NBAS: variants seen among roughly 807,000 people sequenced by gnomAD.
The protein encoded by NBAS is NAG/BC035112 fusion.
In NBAS, 219 loss-of-function variants were observed where a neutral mutation model predicts 302.5. The observed-to-expected ratio is 0.72, with a 90% CI of 0.65 to 0.81. The LOEUF is 0.81. Ranked by LOEUF, NBAS falls within the 30% of genes least tolerant of loss-of-function variation. The pLI is 0.00. For missense variants in NBAS, 2,932 were observed against 2,841.6 expected, an observed-to-expected ratio of 1.03 and a Z score of -0.72; for synonymous variants, 1,118 against 1,021.6, an observed-to-expected ratio of 1.09 and a Z score of -1.80.
chr2:14,822,942 C>G, the NBAS span, among the ~76,000 whole-genome samples: 5 of 152,178 alleles, frequency 3.3e-5, no homozygotes, highest in African/African-American at 1.2e-4. Context: ...GAAGCTTCTT[C>G]TAGAGAGAGC....
At chr2:15,332,514 C>T (rs1443632594) in intron 35 of NBAS, among the ~76,000 whole-genome samples, 3 of 151,616 alleles carry the variant, frequency 2.0e-5, no homozygotes, top group Admixed American at 6.6e-5. Context: ...GTTGCCCATA[C>T]GTATTCTAAA....
At chr2:14,847,359 G>A in the NBAS span, among the ~76,000 whole-genome samples, 14 of 122,102 alleles carry the variant, frequency 1.1e-4, no homozygotes, top group Non-Finnish European at 2.1e-4. Flanking sequence ...CTCCAGCCTC[G>A]TCAACAGAGC....
intron 12 of NBAS, among the ~76,000 whole-genome samples, chr2:15,484,312 C>A (rs1680540810): frequency 1.3e-5 from 2 of 152,110 alleles, no homozygotes; most frequent in South Asian, 4.1e-4. Flanking sequence ...AATGTAAGTA[C>A]TGTAAGTAGA....
the NBAS span, among the ~76,000 whole-genome samples, chr2:14,931,242 C>T: frequency 6.6e-6 from 1 of 152,336 alleles, no homozygotes; most frequent in East Asian, 1.9e-4. Context: ...GGAATGAACA[C>T]ATGCTAGCTA....
At chr2:15,535,156 C>T (rs1422870610) in intron 8 of NBAS, among the ~76,000 whole-genome samples, 1 of 152,198 alleles carries the variant, frequency 6.6e-6, no homozygotes, top group Non-Finnish European at 1.5e-5. Flanking sequence ...CATTCCTAGG[C>T]ATCCCTGGGG....
At chr2:15,174,535 G>A (rs1482360040) in intron 51 of NBAS, among the ~76,000 whole-genome samples, 1 of 152,192 alleles carries the variant, frequency 6.6e-6, no homozygotes, top group Non-Finnish European at 1.5e-5. Flanking sequence ...CTGGAGCCTG[G>A]GAGAGTAAGT....
intron 23 of NBAS, among the ~76,000 whole-genome samples, chr2:15,421,678 G>A (rs918618803): frequency 6.7e-6 from 1 of 149,936 alleles, no homozygotes. Flanking sequence ...AAGAATACAA[G>A]CCAACTGAAG....
chr2:15,187,823 G>A (rs1279967398), intron 49 of NBAS, among the ~76,000 whole-genome samples: 1 of 152,208 alleles, frequency 6.6e-6, no homozygotes, highest in Admixed American at 6.5e-5. Flanking sequence ...CTTGGGCCCT[G>A]AAAAGAATTT....
At chr2:15,154,057 C>G in the NBAS span, among the ~76,000 whole-genome samples, 21 of 152,176 alleles carry the variant, frequency 1.4e-4, 1 homozygote, top group Non-Finnish European at 2.6e-4. Flanking sequence ...CCAGCTCTGG[C>G]ATGTAGGGCA....
intron 9 of NBAS, among the ~76,000 whole-genome samples, chr2:15,521,365 T>C (rs922771174): frequency 1.3e-5 from 2 of 152,156 alleles, no homozygotes; most frequent in African/African-American, 4.8e-5. Flanking sequence ...AAAAACCTGT[T>C]TTAGACATTC....
the NBAS span, among the ~76,000 whole-genome samples, chr2:14,834,037 C>A: frequency 6.6e-6 from 1 of 152,136 alleles, no homozygotes; most frequent in South Asian, 2.1e-4. Context: ...AGTCACCAAA[C>A]ATATAAGTTA....
At chr2:15,163,086 C>CTCCA (rs1292837229), downstream of NBAS, among the ~76,000 whole-genome samples, 1 of 152,212 alleles carries the variant, frequency 6.6e-6, no homozygotes, top group Admixed American at 6.5e-5. Flanking sequence ...GGAAAACGAC[C>CTCCA]TCCACTCCAG....
the NBAS span, among the ~76,000 whole-genome samples, chr2:15,002,812 C>T: frequency 9.7e-4 from 148 of 152,328 alleles, no homozygotes; most frequent in Non-Finnish European, 1.6e-3. Flanking sequence ...GCCGGCAGGG[C>T]GGGTCAGCTG....
At chr2:14,900,692 A>G in the NBAS span, among the ~76,000 whole-genome samples, 193 of 152,322 alleles carry the variant, frequency 1.3e-3, no homozygotes, top group African/African-American at 4.4e-3. Context: ...ACAGATCTGA[A>G]TAAGGTGAAG....
rs772678800 is a variant in NBAS, at chr2:15,561,253, C to T, written c.52G>A (p.Glu18Lys). The T allele has an allele frequency of 1.9e-6, 3 of 1,613,994 alleles. No homozygotes were observed. The highest frequency in any genetic ancestry group is 1.7e-4 in the Middle Eastern group (1 of 6,048). ...PALSPGTAEG[E>K]EETILYDLLV... ...AAGTCATAGAGAATCGTCTCCTCCT[C>T]ACCCTCTGCAGTGCCTGGACTCAAA... Residue 18 changes from glutamate to lysine, a missense_variant, in exon 1 of 52, where the codon GAG becomes AAG. Transcript: ENST00000281513.
At chr2:15,539,113 T>TATAATATATATAATAAAATATATAAA in intron 7 of NBAS, 110 bp downstream of exon 7, 1 of 1,434,646 alleles carries the variant, frequency 7.0e-7, no homozygotes, top group Non-Finnish European at 9.7e-7. Flanking sequence ...CCACAGCTTA[T>TATAATATATATAATAAAATATATAAA]TATTCTGATT....
the NBAS span, among the ~76,000 whole-genome samples, chr2:15,115,309 C>T: frequency 6.6e-6 from 1 of 152,130 alleles, no homozygotes; most frequent in Non-Finnish European, 1.5e-5. Flanking sequence ...AACATGGCAA[C>T]ATGTAACTAG....
At chr2:14,829,994 G>C in the NBAS span, among the ~76,000 whole-genome samples, 2 of 152,180 alleles carry the variant, frequency 1.3e-5, no homozygotes, top group Non-Finnish European at 2.9e-5. Context: ...CTTAAGCAAA[G>C]AATGGGAAAT....
At chr2:15,530,925 G>A (rs1432343860) in intron 9 of NBAS, among the ~76,000 whole-genome samples, 5 of 151,680 alleles carry the variant, frequency 3.3e-5, no homozygotes, top group African/African-American at 1.2e-4. Flanking sequence ...AGAGGAAGAC[G>A]ACAAAAAGCA....
Sources: allele counts gnomAD v4.1 joint callset (sites outside exome capture counted in the v4.1 genomes callset), GRCh38; gene constraint gnomAD v4.1.1; transcripts MANE v1.5; gene names NCBI Gene and HGNC (gene_info 2026-07-23, HGNC 2026-07-21).